The following B3GALT1 variants were observed in gnomAD, a reference collection of about 807,000 sequenced individuals.
B3GALT1 encodes beta-1,3-galactosyltransferase 1, also known as UDP-Gal:betaGlcNAc beta 1,3-galactosyltransferase, polypeptide 1.
In B3GALT1, 10 loss-of-function variants were observed where a neutral mutation model predicts 23.2. The observed-to-expected ratio is 0.43, with a 90% CI of 0.27 to 0.73. B3GALT1 has a LOEUF of 0.73. Among genes scored for constraint, B3GALT1 ranks in the 30% least tolerant of loss-of-function variants. The pLI is 0.21. For missense variants in B3GALT1, 299 were observed against 405.4 expected (o/e 0.74, Z 2.25); for synonymous variants, 156 against 141.5 (o/e 1.10, Z -0.73).
chr2:167,615,134 A>G (rs1485704762), intron 2 of B3GALT1, among the ~76,000 whole-genome samples: 3 of 152,130 alleles, frequency 2.0e-5, no homozygotes, highest in Non-Finnish European at 4.4e-5. Context: ...TTAAAAAGTT[A>G]AAAAGCAAGG....
At chr2:167,810,195 A>G (rs1292502807) in intron 3 of B3GALT1, among the ~76,000 whole-genome samples, 2 of 150,960 alleles carry the variant, frequency 1.3e-5, no homozygotes, top group Non-Finnish European at 2.9e-5. Context: ...CGCTTTGACT[A>G]GGAAAGGGAA....
chr2:167,469,682 A>T (rs895335759), intron 1 of B3GALT1, among the ~76,000 whole-genome samples: 11 of 152,172 alleles, frequency 7.2e-5, no homozygotes, highest in African/African-American at 2.4e-4. Context: ...TATTATATAA[A>T]CAACTTTGAT....
chr2:167,793,851 A>T (rs1234801115), intron 3 of B3GALT1, among the ~76,000 whole-genome samples: 3 of 152,206 alleles, frequency 2.0e-5, no homozygotes, highest in Non-Finnish European at 4.4e-5. Flanking sequence ...GTGTCTCTCT[A>T]TAAATTCCCT....
chr2:167,804,063 T>C (rs571741665), intron 3 of B3GALT1, among the ~76,000 whole-genome samples: 1 of 152,240 alleles, frequency 6.6e-6, no homozygotes, highest in South Asian at 2.1e-4. Flanking sequence ...AGGCGTGATC[T>C]CGGCACACTG....
chr2:167,363,109 C>T (rs981861998), intron 1 of B3GALT1, among the ~76,000 whole-genome samples: 1 of 151,814 alleles, frequency 6.6e-6, no homozygotes, highest in Non-Finnish European at 1.5e-5. Context: ...CCCACCTCAG[C>T]CTCCCAAAGT....
intron 2 of B3GALT1, among the ~76,000 whole-genome samples, chr2:167,569,862 A>G (rs1416991995): frequency 6.6e-6 from 1 of 151,908 alleles, no homozygotes; most frequent in Non-Finnish European, 1.5e-5. Flanking sequence ...GAGAGTTTTT[A>G]TCATGAATGG....
chr2:167,351,301 A>G (rs1394191505), intron 1 of B3GALT1, among the ~76,000 whole-genome samples: 1 of 151,528 alleles, frequency 6.6e-6, no homozygotes, highest in Non-Finnish European at 1.5e-5. Context: ...AAAAAAAACC[A>G]CACACAAAAA....
intron 3 of B3GALT1, among the ~76,000 whole-genome samples, chr2:167,803,079 C>T (rs1688668827): frequency 9.0e-6 from 1 of 111,154 alleles, no homozygotes; most frequent in East Asian, 2.4e-4. Context: ...TTGACCCTAA[C>T]AAACACACAC....
At chr2:167,628,254 C>G (rs777713489) in intron 2 of B3GALT1, among the ~76,000 whole-genome samples, 1 of 151,546 alleles carries the variant, frequency 6.6e-6, no homozygotes, top group East Asian at 1.9e-4. Flanking sequence ...AACTAAGACC[C>G]TTTATACATG....
chr2:167,715,231 A>G, intron 3 of B3GALT1: 1 of 1,614,004 alleles, frequency 6.2e-7, no homozygotes, highest in Non-Finnish European at 8.5e-7. Flanking sequence ...CAAGCACAGC[A>G]GCCTGATCTT....
chr2:167,854,846 C>T (rs777001662), intron 4 of B3GALT1, among the ~76,000 whole-genome samples: 1 of 152,150 alleles, frequency 6.6e-6, no homozygotes, highest in Non-Finnish European at 1.5e-5. Flanking sequence ...TAGTAAGGGG[C>T]AGAGCCTTCT....
intron 1 of B3GALT1, among the ~76,000 whole-genome samples, chr2:167,364,561 TC>T (rs1697557126): frequency 6.6e-6 from 1 of 152,090 alleles, no homozygotes; most frequent in Admixed American, 6.6e-5. Context: ...ATTGTTCAGT[TC>T]CCACCTATGA....
intron 2 of B3GALT1, among the ~76,000 whole-genome samples, chr2:167,497,976 G>A (rs1362978259): frequency 1.3e-5 from 2 of 151,854 alleles, no homozygotes; most frequent in African/African-American, 4.8e-5. Context: ...TCTGTCTTTG[G>A]TTAAAAAAAA....
At chr2:167,617,948 G>A (rs1645107170) in intron 2 of B3GALT1, among the ~76,000 whole-genome samples, 1 of 152,006 alleles carries the variant, frequency 6.6e-6, no homozygotes, top group Non-Finnish European at 1.5e-5. Flanking sequence ...TGTTTTGTCA[G>A]ATCTTTTGCT....
chr2:167,758,137 C>T (rs1355681034), intron 3 of B3GALT1, among the ~76,000 whole-genome samples: 1 of 152,032 alleles, frequency 6.6e-6, no homozygotes, highest in African/African-American at 2.4e-5. Flanking sequence ...TTTCTTTCCT[C>T]TCCTTTCCCT....
At chr2:167,797,950 C>G (rs189304871) in intron 3 of B3GALT1, among the ~76,000 whole-genome samples, 1 of 152,160 alleles carries the variant, frequency 6.6e-6, no homozygotes, top group Non-Finnish European at 1.5e-5. Context: ...ATGATCCACC[C>G]GCCTTGGCCT....
At chr2:167,799,927 TA>T (rs1352005421) in intron 3 of B3GALT1, among the ~76,000 whole-genome samples, 2 of 151,556 alleles carry the variant, frequency 1.3e-5, no homozygotes, top group Non-Finnish European at 2.9e-5. Flanking sequence ...CTGACTTCAA[TA>T]AAAGTTCTAT....
chr2:167,477,638 T>G (rs1699505873), intron 1 of B3GALT1, among the ~76,000 whole-genome samples: 1 of 152,226 alleles, frequency 6.6e-6, no homozygotes, highest in Non-Finnish European at 1.5e-5. Context: ...TAGAAGTGCA[T>G]GTCTAACAAA....
intron 1 of B3GALT1, among the ~76,000 whole-genome samples, chr2:167,415,395 T>C (rs141022132): frequency 5.9e-5 from 9 of 152,328 alleles, no homozygotes; most frequent in Non-Finnish European, 1.0e-4. Flanking sequence ...ACTTCTTAGC[T>C]TCTATAACTG....
Sources: gnomAD v4.1 joint callset for allele counts (sites outside exome capture counted in the v4.1 genomes callset) on GRCh38, gnomAD v4.1.1 for gene constraint, MANE v1.5 for transcripts, NCBI Gene and HGNC (gene_info 2026-07-23, HGNC 2026-07-21) for gene names.